Variants in DPP10 observed in about 807,000 individuals in gnomAD.
The protein encoded by DPP10 is inactive dipeptidyl peptidase 10.
A neutral mutation model predicts 120.9 loss-of-function variants in DPP10; 33 were observed. The observed-to-expected ratio is 0.27, with a 90% confidence interval of 0.21 to 0.37. DPP10 has a LOEUF of 0.37. Ranked by LOEUF, DPP10 falls within the 10% of genes least tolerant of loss-of-function variation. The pLI is 1.00. For missense variants in DPP10, 816 were observed against 942.8 expected (o/e 0.87, Z 1.76); for synonymous variants, 337 against 326.1 (o/e 1.03, Z -0.36).
At chr2:115,047,778 AAG>A (rs1354544454) in intron 1 of DPP10, among the ~76,000 whole-genome samples, 1 of 152,132 alleles carries the variant, frequency 6.6e-6, no homozygotes, top group Non-Finnish European at 1.5e-5. Flanking sequence ...TAGTAACAAA[AAG>A]AGAGGCTAGA....
At chr2:115,161,250 C>T (rs975906994) in intron 1 of DPP10, 1 of 152,414 alleles carries the variant, frequency 6.6e-6, no homozygotes, top group Non-Finnish European at 1.5e-5. Context: ...CGGGTCCCGA[C>T]AGGTGTTGCC....
chr2:115,490,784 A>G (rs981028914), intron 3 of DPP10, among the ~76,000 whole-genome samples: 1 of 152,236 alleles, frequency 6.6e-6, no homozygotes, highest in Non-Finnish European at 1.5e-5. Context: ...GTATTAAAAA[A>G]TATTCTGACA....
chr2:115,402,854 A>AAAAAAATATATAT (rs1476901026), intron 3 of DPP10, among the ~76,000 whole-genome samples: 1 of 97,668 alleles, frequency 1.0e-5, no homozygotes. Flanking sequence ...AAAAAAAAAA[A>AAAAAAATATATAT]ATATATATAT....
intron 1 of DPP10, among the ~76,000 whole-genome samples, chr2:115,078,264 G>T (rs1559066936): frequency 6.6e-6 from 1 of 152,076 alleles, no homozygotes; most frequent in African/African-American, 2.4e-5. Context: ...TTTCACACTA[G>T]TCAATATTAA....
intron 5 of DPP10, among the ~76,000 whole-genome samples, chr2:115,660,268 C>T (rs567271789): frequency 1.2e-3 from 190 of 152,262 alleles, no homozygotes; most frequent in African/African-American, 4.1e-3. Context: ...CTCTCTGTTT[C>T]ACCTGCTCAA....
At chr2:115,150,108 G>A (rs2051452394) in intron 1 of DPP10, among the ~76,000 whole-genome samples, 1 of 152,176 alleles carries the variant, frequency 6.6e-6, no homozygotes, top group Non-Finnish European at 1.5e-5. Context: ...GTCTCAAACT[G>A]TAGTTCAGGT....
chr2:114,660,729 G>C (rs1213725991), intron 1 of DPP10, among the ~76,000 whole-genome samples: 1 of 152,158 alleles, frequency 6.6e-6, no homozygotes, highest in Admixed American at 6.5e-5. Context: ...CCTAAAATAA[G>C]TTATAAAGAA....
rs900586991 is a variant in DPP10 at position 114,806,402 on chromosome 2, T to G, written c.60+363564T>G. Reference sequence around the variant, plus strand: ...AATGGTAAAATTTGGTTTACAATTTTAGAATCCAAGCCTAACTATTCTTTT... The same window carrying G: ...AATGGTAAAATTTGGTTTACAATTTGAGAATCCAAGCCTAACTATTCTTTT... On this transcript the variant is annotated intron_variant, in intron 1 of 25. Transcript: ENST00000410059. Among the ~76,000 whole-genome samples, 4 of 152,236 alleles carry G rather than the reference T, an allele frequency of 2.6e-5. 1 individual carries two copies. The highest frequency in any genetic ancestry group is 2.6e-4 in the Admixed American group (4 of 15,282).
intron 1 of DPP10, among the ~76,000 whole-genome samples, chr2:114,966,834 G>T (rs1451309328): frequency 1.3e-5 from 2 of 152,232 alleles, no homozygotes; most frequent in East Asian, 1.9e-4. Context: ...TTGAGGTCAG[G>T]AGTTTGATAC....
At chr2:114,935,865 T>TC (rs1696423205) in intron 1 of DPP10, among the ~76,000 whole-genome samples, 1 of 148,538 alleles carries the variant, frequency 6.7e-6, no homozygotes, top group South Asian at 2.1e-4. Flanking sequence ...AACTGAAGGT[T>TC]TTTTTTTTTT....
At chr2:114,729,053 G>A (rs992293804) in intron 1 of DPP10, among the ~76,000 whole-genome samples, 2 of 152,196 alleles carry the variant, frequency 1.3e-5, no homozygotes, top group Non-Finnish European at 2.9e-5. Context: ...AAAATGCTGA[G>A]CGGCTGTGAT....
intron 2 of DPP10, among the ~76,000 whole-genome samples, chr2:115,333,874 A>C (rs971094124): frequency 6.6e-6 from 1 of 151,816 alleles, no homozygotes; most frequent in African/African-American, 2.4e-5. Context: ...CTTCACTTCA[A>C]CTTTGGTGTA....
intron 4 of DPP10, among the ~76,000 whole-genome samples, chr2:115,520,452 C>G (rs761042568): frequency 6.6e-6 from 1 of 152,136 alleles, no homozygotes; most frequent in South Asian, 2.1e-4. Context: ...CATTCACTAT[C>G]TGTTAAAAAT....
chr2:114,993,580 G>GTGTGTATATATA lies in DPP10; in HGVS notation c.61-315658_61-315657insGTGTATATATAT, dbSNP rs71394121. ...ATTCTTATTATGTGTGTGTGTGTGT[G>GTGTGTATATATA]TATATATATATATATATATATATAT... On this transcript the variant is annotated intron_variant, in intron 1 of 25. Coordinates refer to ENST00000410059, the MANE Select transcript of DPP10 (RefSeq NM_020868.6). Among the ~76,000 whole-genome samples, 5 of 97,354 alleles carry GTGTGTATATATA rather than the reference G, an allele frequency of 5.1e-5. No individual in the cohort carries two copies. In the South Asian group the frequency reaches 1.2e-3, roughly 24 times the overall value. The allele number at this position is 97,354 out of a possible 152,430, so 63.9% of individuals were successfully genotyped here. A position where few individuals can be genotyped will look rare whatever the true frequency, so the allele number is the denominator to read the frequency against.
At chr2:115,398,379 A>G (rs2067834998) in intron 3 of DPP10, among the ~76,000 whole-genome samples, 1 of 152,142 alleles carries the variant, frequency 6.6e-6, no homozygotes, top group African/African-American at 2.4e-5. Context: ...TCCTTAACAC[A>G]CTGAGAGTGC....
At chr2:114,859,067 C>T (rs1689596026) in intron 1 of DPP10, among the ~76,000 whole-genome samples, 1 of 152,014 alleles carries the variant, frequency 6.6e-6, no homozygotes, top group Non-Finnish European at 1.5e-5. Flanking sequence ...TGGCTCACGC[C>T]TGTAATCTCA....
At chr2:115,400,129 G>A (rs1476633059) in intron 3 of DPP10, among the ~76,000 whole-genome samples, 4 of 152,024 alleles carry the variant, frequency 2.6e-5, no homozygotes, top group Admixed American at 1.3e-4. Flanking sequence ...AGAAGATGGT[G>A]CTAAGTCATT....
At chr2:114,989,605 CAG>C (rs1700637520) in intron 1 of DPP10, among the ~76,000 whole-genome samples, 1 of 152,130 alleles carries the variant, frequency 6.6e-6, no homozygotes, top group Non-Finnish European at 1.5e-5. Context: ...ATCATTCTAA[CAG>C]AGGTATAGAG....
chr2:115,358,369 C>T (rs1458400139), intron 3 of DPP10, among the ~76,000 whole-genome samples: 3 of 152,176 alleles, frequency 2.0e-5, no homozygotes, highest in Non-Finnish European at 2.9e-5. Flanking sequence ...ACTCCAGTTC[C>T]CAACAAGTTT....
Sources: allele counts gnomAD v4.1 joint callset (sites outside exome capture counted in the v4.1 genomes callset), GRCh38; gene constraint gnomAD v4.1.1; transcripts MANE v1.5; gene names NCBI Gene and HGNC (gene_info 2026-07-23, HGNC 2026-07-21).